SND1: variants seen among roughly 807,000 people sequenced by gnomAD.
SND1 encodes staphylococcal nuclease and tudor domain containing 1, also known as staphylococcal nuclease domain-containing protein 1.
A neutral mutation model predicts 121.7 loss-of-function variants in SND1; 38 were observed. That is an observed-to-expected ratio of 0.31 (90% CI 0.24 to 0.41). The LOEUF (loss-of-function observed/expected upper bound fraction) is 0.41, where lower values mean the gene tolerates loss of function less well. Ranked by LOEUF, SND1 falls within the 10% of genes least tolerant of loss-of-function variation. The probability of loss-of-function intolerance (pLI) is 1.00; values close to 1 mark genes in which losing one functional copy is unlikely to be tolerated. For synonymous variants in SND1, 401 were observed against 447.4 expected (o/e 0.90, Z 1.31); for missense variants, 868 against 1,184.6 (o/e 0.73, Z 3.92).
chr7:127,827,869 A>G (rs1798671607), intron 11 of SND1, among the ~76,000 whole-genome samples: 1 of 152,084 alleles, frequency 6.6e-6, no homozygotes, highest in South Asian at 2.1e-4. Flanking sequence ...AATATTTCAG[A>G]TGTAATTATA....
intron 10 of SND1, among the ~76,000 whole-genome samples, chr7:127,746,168 G>A (rs1796978869): frequency 6.6e-6 from 1 of 152,274 alleles, no homozygotes; most frequent in African/African-American, 2.4e-5. Context: ...AGTACCTGAA[G>A]GGAATGGTCA....
chr7:127,964,209 G>A (rs1801803384), intron 15 of SND1, among the ~76,000 whole-genome samples: 1 of 151,498 alleles, frequency 6.6e-6, no homozygotes, highest in South Asian at 2.1e-4. Context: ...TAGGTTGCCT[G>A]TTCACTCTGA....
In SND1 at chr7:128,029,960, C is replaced by T; in HGVS notation, c.1779+38904C>T. ...CAGGCCTGATCTCAGGGAAGTGGTT[C>T]CCTGACATCTCCAGCTCCTCCAGCC... On this transcript the variant is annotated intron_variant, in intron 16 of 23. Transcript: ENST00000354725. The surrounding 1 kb of genome is among the most constrained non-coding windows in gnomAD (Gnocchi z 4.2). The T allele has an allele frequency of 6.2e-7, 1 of 1,613,138 alleles. No homozygotes were observed. The highest frequency in any genetic ancestry group is 8.5e-7 in the Non-Finnish European group (1 of 1,180,004).
intron 16 of SND1, among the ~76,000 whole-genome samples, chr7:128,022,033 G>A (rs1350549154): frequency 2.0e-5 from 3 of 151,738 alleles, no homozygotes; most frequent in African/African-American, 7.3e-5. Context: ...GTGAAACCCC[G>A]TCTCTACTAA....
At chr7:127,936,126 C>T (rs150424528) in intron 15 of SND1, among the ~76,000 whole-genome samples, 1 of 152,188 alleles carries the variant, frequency 6.6e-6, no homozygotes, top group Non-Finnish European at 1.5e-5. Context: ...CTCCTGAACG[C>T]TCTTGCCCTC....
In SND1 at chr7:127,955,302, C is replaced by T. The variant is rs544373032; in HGVS notation, c.1669+25973C>T. On this transcript the variant is annotated intron_variant, in intron 15 of 23. Transcript: ENST00000354725. Reference sequence around the variant, plus strand: ...ACTGGGCTGTTTAAGGTTGTTCCTGCGCTGTGTATTTATGGATAGGAGCTG... The same window carrying T: ...ACTGGGCTGTTTAAGGTTGTTCCTGTGCTGTGTATTTATGGATAGGAGCTG... 7.9e-5 allele frequency among the ~76,000 whole-genome samples: 12 copies of T among 152,278 alleles called. 1 individual carries two copies. Among genetic ancestry groups the T allele is most frequent in the Admixed American group, 2.6e-4 (4 of 15,304 alleles).
chr7:128,091,443 C>T (rs905389440), intron 22 of SND1, among the ~76,000 whole-genome samples: 4 of 151,700 alleles, frequency 2.6e-5, no homozygotes, highest in African/African-American at 9.7e-5. Flanking sequence ...CTCCTGGGCT[C>T]AAGTGATCCT....
At chr7:127,772,945 G>A (rs1180167414) in intron 10 of SND1, among the ~76,000 whole-genome samples, 1 of 152,040 alleles carries the variant, frequency 6.6e-6, no homozygotes, top group African/African-American at 2.4e-5. Context: ...AAACTTATTT[G>A]GTTTTCCATT....
chr7:127,763,094 A>G (rs180979207), intron 10 of SND1, among the ~76,000 whole-genome samples: 1 of 152,342 alleles, frequency 6.6e-6, no homozygotes, highest in Non-Finnish European at 1.5e-5. Context: ...GAGCACATTC[A>G]GGTGACAAAA....
At chr7:127,861,526 A>G (rs1465393023) in intron 12 of SND1, among the ~76,000 whole-genome samples, 1 of 152,066 alleles carries the variant, frequency 6.6e-6, no homozygotes, top group Admixed American at 6.6e-5. Flanking sequence ...CTAGGCTGGA[A>G]TGCAGTGGCG....
rs144375321 is a variant in SND1 at position 127,752,013 on chromosome 7, C to T, written c.1152+30613C>T. Reference sequence around the variant, plus strand: ...CCTCTTCCCATCTTTTTCCTTGCTGCTCTGTGAATATCTGATCGATGGGGC... The same window carrying T: ...CCTCTTCCCATCTTTTTCCTTGCTGTTCTGTGAATATCTGATCGATGGGGC... On this transcript the variant is annotated intron_variant, in intron 10 of 23. Transcript: ENST00000354725. Among the ~76,000 whole-genome samples, 16 of 152,374 alleles carry T rather than the reference C, an allele frequency of 1.1e-4. 1 individual carries two copies. The highest frequency in any genetic ancestry group is 9.6e-4 in the East Asian group (5 of 5,192).
chr7:128,032,869 G>A (rs1792672729), intron 16 of SND1, among the ~76,000 whole-genome samples: 2 of 152,226 alleles, frequency 1.3e-5, no homozygotes, highest in African/African-American at 4.8e-5. Flanking sequence ...GGGTTGCGGG[G>A]GCGGGAAACA....
chr7:127,868,831 A>AT (rs1301846299), intron 12 of SND1, among the ~76,000 whole-genome samples: 2 of 151,774 alleles, frequency 1.3e-5, no homozygotes, highest in Non-Finnish European at 2.9e-5. Flanking sequence ...TGGTTGTTTT[A>AT]TTTTTTTTAA....
chr7:127,803,560 A>G (rs923827592), intron 10 of SND1, among the ~76,000 whole-genome samples: 4 of 152,198 alleles, frequency 2.6e-5, no homozygotes, highest in African/African-American at 7.2e-5. Context: ...ATCAGTGGCA[A>G]TCAATTTATA....
At chr7:127,858,012 C>T in intron 12 of SND1, 2 of 1,454,608 alleles carry the variant, frequency 1.4e-6, no homozygotes, top group East Asian at 2.3e-5. Flanking sequence ...CCGGGTTCTC[C>T]CACTTATATT....
chr7:127,671,044 CATAATAATAGTTTG>C (rs1307872837), intron 1 of SND1, among the ~76,000 whole-genome samples: 2 of 152,044 alleles, frequency 1.3e-5, no homozygotes, highest in Non-Finnish European at 2.9e-5. Flanking sequence ...GTCCATGCAA[CATAATAATAGTTTG>C]ATATTCAAAT....
intron 12 of SND1, chr7:127,857,813 A>T: frequency 1.2e-6 from 1 of 814,936 alleles, no homozygotes. Context: ...AAGTTCAGGA[A>T]AGAAGGGCCC....
chr7:128,075,360 T>C (rs1562890639), intron 17 of SND1, among the ~76,000 whole-genome samples: 1 of 152,242 alleles, frequency 6.6e-6, no homozygotes, highest in Non-Finnish European at 1.5e-5. Flanking sequence ...AGGGCTTCTC[T>C]GAGCTTGAGG....
intron 1 of SND1, among the ~76,000 whole-genome samples, chr7:127,682,103 CTTG>C (rs1254783972): frequency 2.0e-5 from 3 of 152,140 alleles, no homozygotes; most frequent in African/African-American, 4.8e-5. Flanking sequence ...AGTTTTCTGT[CTTG>C]TTGTGTCATT....
Sources: allele counts gnomAD v4.1 joint callset (sites outside exome capture counted in the v4.1 genomes callset), GRCh38; gene constraint gnomAD v4.1.1; non-coding constraint Gnocchi (gnomAD v3.1); transcripts MANE v1.5; gene names NCBI Gene and HGNC (gene_info 2026-07-23, HGNC 2026-07-21).